COL6A5: variants seen among roughly 807,000 people sequenced by gnomAD.
COL6A5 encodes collagen type VI alpha 5 chain.
A neutral mutation model predicts 65.6 loss-of-function variants in COL6A5; 48 were observed. That is an observed-to-expected ratio of 0.73 (90% CI 0.58 to 0.93). The LOEUF is 0.93. Among genes scored for constraint, COL6A5 ranks in the 40% least tolerant of loss-of-function variants. The probability of loss-of-function intolerance (pLI) is 0.00; values close to 1 mark genes in which losing one functional copy is unlikely to be tolerated. For synonymous variants in COL6A5, 291 were observed against 322.8 expected, an observed-to-expected ratio of 0.90 and a Z score of 1.05; for missense variants, 914 against 928.3, an observed-to-expected ratio of 0.98 and a Z score of 0.20.
At chr3:130,363,739 T>G (rs115123891) in intron 1 of COL6A5, among the ~76,000 whole-genome samples, 102 of 152,330 alleles carry the variant, frequency 6.7e-4, no homozygotes, top group African/African-American at 2.3e-3. Context: ...AACGAAAGTG[T>G]GGGTGCCACT....
intron 5 of COL6A5, among the ~76,000 whole-genome samples, chr3:130,388,066 T>A (rs9864310): frequency 1.3e-5 from 2 of 151,774 alleles, no homozygotes; most frequent in East Asian, 1.9e-4. Context: ...TAGTAAAAAC[T>A]TTTTCTCCAA....
chr3:130,397,659 C>T (rs749553388), exon 9 of COL6A5: 9 of 1,550,320 alleles, frequency 5.8e-6, no homozygotes, highest in Non-Finnish European at 7.9e-6. Flanking sequence ...AGGGCCACCC[C>T]CAGCTGGAAT....
rs377318921 is a variant in COL6A5, at chr3:130,469,192, T to A, written c.1944T>A (p.Asn648Lys). Residue 648 changes from asparagine (N) to lysine (K), a missense_variant, in exon 6 of 8, where the codon AAT becomes AAA. Physicochemically the swap from Asn to Lys is moderately conservative, Grantham distance 94. Transcript: ENST00000512836. ...ATGCCTTGCAGTGGACAATTGACAA[T>A]GTCTTTGTAGGAACCCCCAATCTGA... The A allele has an allele frequency of 3.8e-5, 61 of 1,613,126 alleles. No individual in the cohort carries two copies. Among genetic ancestry groups the A allele is most frequent in the Non-Finnish European group, 5.2e-5 (61 of 1,179,470 alleles).
exon 12 of COL6A5, chr3:130,401,805 G>A: frequency 6.4e-7 from 1 of 1,551,566 alleles, no homozygotes; most frequent in South Asian, 1.2e-5. Flanking sequence ...TTCTGCAAAT[G>A]TCCAGGAATT....
At chr3:130,433,386 T>C (rs1174612795) in intron 1 of COL6A5, among the ~76,000 whole-genome samples, 1 of 152,144 alleles carries the variant, frequency 6.6e-6, no homozygotes, top group Non-Finnish European at 1.5e-5. Context: ...GAGTCTCCAG[T>C]CATTCTTGTT....
intron 13 of COL6A5, 115 bp from the exon 14 acceptor site, chr3:130,405,473 C>A: frequency 1.6e-6 from 1 of 632,124 alleles, no homozygotes; most frequent in Non-Finnish European, 2.8e-6. Context: ...AGAGGATTCA[C>A]TTTTTCTAAA....
intron 17 of COL6A5, among the ~76,000 whole-genome samples, chr3:130,407,797 C>A (rs771614350): frequency 1.3e-5 from 2 of 152,108 alleles, no homozygotes; most frequent in African/African-American, 4.8e-5. Context: ...CAAGTTTAAT[C>A]GGAAATAATT....
chr3:130,365,538 A>C (rs1935304997), intron 1 of COL6A5, among the ~76,000 whole-genome samples: 1 of 152,062 alleles, frequency 6.6e-6, no homozygotes, highest in Admixed American at 6.5e-5. Context: ...CGGCCTCCCA[A>C]AGTGCTGGGA....
chr3:130,481,203 C>A (rs1710230465), intron 7 of COL6A5, among the ~76,000 whole-genome samples: 1 of 151,418 alleles, frequency 6.6e-6, no homozygotes, highest in Non-Finnish European at 1.5e-5. Context: ...CTTTGCCCCC[C>A]ACCCCCCGAC....
intron 7 of COL6A5, chr3:130,477,183 A>G (rs773831920): frequency 3.9e-5 from 35 of 887,062 alleles, no homozygotes; most frequent in East Asian, 2.7e-4. Flanking sequence ...AAATAATACA[A>G]TCTATCTCTG....
chr3:130,422,760 C>G, exon 28 of COL6A5: 1 of 1,521,436 alleles, frequency 6.6e-7, no homozygotes, highest in East Asian at 2.6e-5. Context: ...GGACCTGGAC[C>G]CAAAGGATTT....
upstream of COL6A5, among the ~76,000 whole-genome samples, chr3:130,430,750 C>T (rs926035342): frequency 1.3e-5 from 2 of 152,206 alleles, no homozygotes; most frequent in Non-Finnish European, 2.9e-5. Flanking sequence ...CCTGAAGCCC[C>T]TGAGATAGCC....
chr3:130,383,605 T>A (rs1009087740), intron 4 of COL6A5, among the ~76,000 whole-genome samples: 1 of 152,100 alleles, frequency 6.6e-6, no homozygotes, highest in African/African-American at 2.4e-5. Flanking sequence ...AGGGTCAGAC[T>A]TCTTTTCAGT....
chr3:130,434,137 T>G (rs1937943494), intron 1 of COL6A5, among the ~76,000 whole-genome samples: 1 of 152,178 alleles, frequency 6.6e-6, no homozygotes, highest in Admixed American at 6.5e-5. Flanking sequence ...CCTCTCAGTG[T>G]CCATGTGATC....
intron 10 of COL6A5, among the ~76,000 whole-genome samples, chr3:130,400,231 A>G (rs1276522368): frequency 2.0e-5 from 3 of 152,102 alleles, no homozygotes; most frequent in Admixed American, 2.0e-4. Flanking sequence ...GAAACCTTCC[A>G]TGACTCTCCA....
chr3:130,443,752 A>G (rs1017636831), intron 4 of COL6A5, among the ~76,000 whole-genome samples, 186 bp downstream of exon 36: 2 of 152,164 alleles, frequency 1.3e-5, no homozygotes, highest in Non-Finnish European at 2.9e-5. Flanking sequence ...TTATAACATC[A>G]TAAGCTTAAT....
At chr3:130,431,416 A>G, upstream of COL6A5, 1 of 1,543,170 alleles carries the variant, frequency 6.5e-7, no homozygotes, top group Non-Finnish European at 8.7e-7. Flanking sequence ...TGGGGAAAGG[A>G]TTTTGATCCA....
At chr3:130,379,939 A>G (rs748008223) in exon 4 of COL6A5, 6 of 1,551,388 alleles carry the variant, frequency 3.9e-6, no homozygotes, top group Non-Finnish European at 5.2e-6. Flanking sequence ...TTCCACGCTG[A>G]AGTCCTATGC....
intron 28 of COL6A5, 77 bp downstream of exon 28, chr3:130,422,859 G>A (rs1937540919): frequency 1.1e-6 from 1 of 930,244 alleles, no homozygotes; most frequent in South Asian, 1.9e-5. Flanking sequence ...TAATAAATGT[G>A]GATTATTGAT....
Sources: gnomAD v4.1 joint callset for allele counts (sites outside exome capture counted in the v4.1 genomes callset) on GRCh38, gnomAD v4.1.1 for gene constraint, MANE v1.5 for transcripts, NCBI Gene and HGNC (gene_info 2026-07-23, HGNC 2026-07-21) for gene names.